The following ERCC8 variants were observed in gnomAD, a reference collection of about 807,000 sequenced individuals.
The protein encoded by ERCC8 is ERCC excision repair 8, CSA ubiquitin ligase complex subunit.
In ERCC8, 52 loss-of-function variants were observed where a neutral mutation model predicts 54.9. The ratio of observed to expected loss-of-function variants is 0.95; its 90% CI spans 0.76 to 1.19. The LOEUF (loss-of-function observed/expected upper bound fraction) is 1.19, where lower values mean the gene tolerates loss of function less well. Among genes scored for constraint, ERCC8 ranks in the 50% most tolerant of loss-of-function variants. The pLI is 0.00. For synonymous variants in ERCC8, 146 were observed against 157.2 expected (o/e 0.93, Z 0.53); for missense variants, 514 against 466.1 (o/e 1.10, Z -0.95).
chr5:60,911,438 G>A (rs190161593), intron 4 of ERCC8, among the ~76,000 whole-genome samples: 6 of 146,760 alleles, frequency 4.1e-5, no homozygotes, highest in African/African-American at 9.9e-5. Context: ...TTTTTGATGG[G>A]TTTTTTTTTT....
intron 4 of ERCC8, among the ~76,000 whole-genome samples, chr5:60,908,564 CAT>C (rs1554073813): frequency 3.5e-4 from 51 of 144,002 alleles, no homozygotes; most frequent in Middle Eastern, 3.7e-3. Flanking sequence ...CATATAAATA[CAT>C]ATATATATAT....
At chr5:60,932,312 A>T (rs1295241197) in intron 1 of ERCC8, among the ~76,000 whole-genome samples, 1 of 152,206 alleles carries the variant, frequency 6.6e-6, no homozygotes, top group Non-Finnish European at 1.5e-5. Flanking sequence ...TCTTGGTTAC[A>T]GTCTGGGATT....
chr5:60,874,838 A>C (rs1328619021), intron 11 of ERCC8, among the ~76,000 whole-genome samples, 155 bp from the exon 12 acceptor site: 1 of 152,238 alleles, frequency 6.6e-6, no homozygotes, highest in Non-Finnish European at 1.5e-5. Flanking sequence ...AAAAATAAGA[A>C]ACAACCCATA....
At position 60,920,428 on chromosome 5, in the gene ERCC8, T is replaced by TA. The variant is rs1749569144; in HGVS notation, c.275+1625dup. On this transcript the variant is annotated intron_variant, in intron 3 of 11. Coordinates refer to ENST00000676185, the MANE Select transcript of ERCC8 (RefSeq NM_000082.4). ...TAAATTTTAAAATAGGATATTTTAT[T>TA]ATGTTACTATATATGTTCTGTTATT... 5.3e-5 allele frequency among the ~76,000 whole-genome samples: 8 copies of TA among 152,090 alleles called. No individual in the cohort carries two copies. The South Asian group carries it at 1.7e-3, about 32-fold the overall frequency.
intron 3 of ERCC8, chr5:60,918,635 T>C: frequency 2.1e-6 from 1 of 482,906 alleles, no homozygotes; most frequent in Non-Finnish European, 3.8e-6. Flanking sequence ...TCTCTGTTTT[T>C]GTACTATATA....
chr5:60,911,248 T>G (rs1010668386), intron 4 of ERCC8, among the ~76,000 whole-genome samples: 3 of 151,934 alleles, frequency 2.0e-5, no homozygotes, highest in Non-Finnish European at 4.4e-5. Flanking sequence ...CCACATACTC[T>G]CCAGCATCTG....
At chr5:60,897,479 A>G (rs748421359) in intron 9 of ERCC8, among the ~76,000 whole-genome samples, 1 of 152,206 alleles carries the variant, frequency 6.6e-6, no homozygotes, top group Non-Finnish European at 1.5e-5. Flanking sequence ...AGTATCTGAC[A>G]TACAAGCTCT....
chr5:60,893,540 T>C (rs1748631231), intron 9 of ERCC8: 1 of 721,682 alleles, frequency 1.4e-6, no homozygotes, highest in Non-Finnish European at 2.5e-6. Context: ...CTTGGAAACT[T>C]TACCTGGCTT....
In ERCC8 at chr5:60,872,432, A is replaced by G. The variant is rs946067485; in HGVS notation, c.*2183T>C. Among the ~76,000 whole-genome samples the G allele has an allele frequency of 6.6e-6, 1 of 152,204 alleles. No homozygotes were observed. The highest frequency in any genetic ancestry group is 2.1e-4 in the South Asian group (1 of 4,834). On this transcript the variant is annotated 3_prime_UTR_variant, in exon 12 of 12. Coordinates refer to ENST00000676185, the MANE Select transcript of ERCC8 (RefSeq NM_000082.4). ...TAGGGGGTTAATATCCAAAATACAT[A>G]AGGAACTCAATAGCAGGAAAACAAC... is the stretch of plus-strand genomic sequence containing the variant.
intron 9 of ERCC8, 54 bp from the exon 10 acceptor site, chr5:60,891,140 C>T: frequency 3.3e-6 from 4 of 1,214,710 alleles, no homozygotes; most frequent in South Asian, 1.2e-5. Context: ...ATTTAAAACA[C>T]AACAAAGCCT....
chr5:60,931,796 T>C (rs1308612067), intron 1 of ERCC8, among the ~76,000 whole-genome samples: 4 of 152,196 alleles, frequency 2.6e-5, no homozygotes, highest in Non-Finnish European at 5.9e-5. Flanking sequence ...AAAAACAGTA[T>C]CATTCAAACA....
chr5:60,887,750 A>G (rs1748437983), intron 10 of ERCC8, among the ~76,000 whole-genome samples: 1 of 152,130 alleles, frequency 6.6e-6, no homozygotes, highest in African/African-American at 2.4e-5. Context: ...TGGTGTGAAA[A>G]TTTTACAAAC....
intron 4 of ERCC8, among the ~76,000 whole-genome samples, chr5:60,908,339 G>C (rs757361456): frequency 2.0e-5 from 3 of 151,742 alleles, no homozygotes; most frequent in Non-Finnish European, 2.9e-5. Context: ...TACATAGTGA[G>C]GCACAAATCT....
chr5:60,936,676 T>G (rs1202111319), intron 1 of ERCC8, among the ~76,000 whole-genome samples: 2 of 152,216 alleles, frequency 1.3e-5, no homozygotes, highest in Admixed American at 1.3e-4. Context: ...ACTTTCATCT[T>G]AGCACCACTT....
At chr5:60,904,725 A>G (rs1314632542) in intron 5 of ERCC8, 67 bp downstream of exon 5, 2 of 780,810 alleles carry the variant, frequency 2.6e-6, no homozygotes, top group Non-Finnish European at 4.3e-6. Context: ...CTACATCAAA[A>G]CTAACTACAT....
At chr5:60,934,348 AT>A (rs2112539920) in intron 1 of ERCC8, among the ~76,000 whole-genome samples, 1 of 152,272 alleles carries the variant, frequency 6.6e-6, no homozygotes, top group East Asian at 1.9e-4. Context: ...GATGTTGAGC[AT>A]TTTGTCATAT....
Position 60,870,482 on chromosome 5 carries a change from T to TAAAAAAAAAA in ERCC8, c.*4123_*4132dup, listed in dbSNP as rs57423118. 4.6e-3 allele frequency among the ~76,000 whole-genome samples: 223 copies of TAAAAAAAAAA among 48,776 alleles called. 6 individuals are homozygous for TAAAAAAAAAA. The highest frequency in any genetic ancestry group is 6.4e-3 in the Non-Finnish European group (188 of 29,328). 32.0% of individuals were successfully genotyped at this position (48,776 alleles called of 152,430 possible). A position where few individuals can be genotyped will look rare whatever the true frequency, so the allele number is the denominator to read the frequency against. ...CAACATGGTGAAACCCCACCTCTGC[T>TAAAAAAAAAA]AAAAAAAAAAAAAAAAAAAAAAAAA... On this transcript the variant is annotated 3_prime_UTR_variant, in exon 12 of 12. Coordinates refer to ENST00000676185, the MANE Select transcript of ERCC8 (RefSeq NM_000082.4).
rs773382523 is a variant in ERCC8 at position 60,899,639 on chromosome 5, C to A, written c.706G>T (p.Ala236Ser). 1.2e-6 allele frequency: 2 copies of A among 1,609,244 alleles called. No individual in the cohort carries two copies. Among genetic ancestry groups the A allele is most frequent in the East Asian group, 4.5e-5 (2 of 44,756 alleles). Residue 236 changes from alanine (A) to serine (S), a missense_variant, in exon 8 of 12, where the codon GCT becomes TCT. Ala to Ser is a moderately conservative substitution (Grantham distance 99). Transcript: ENST00000676185. ...CGTTCTTCCTTACCTGATTCAACAG[C>A]TTGTGACTTTTTCCCATTATGTTGA... ...LDQHNGKKSQ[A>S]VESANTAHNG...
chr5:60,943,281 T>A (rs1561521575), intron 1 of ERCC8, among the ~76,000 whole-genome samples: 1 of 151,930 alleles, frequency 6.6e-6, no homozygotes, highest in African/African-American at 2.4e-5. Flanking sequence ...AAAAAAAAAA[T>A]ATTTTTTTAA....
Sources: allele counts gnomAD v4.1 joint callset (sites outside exome capture counted in the v4.1 genomes callset), GRCh38; gene constraint gnomAD v4.1.1; transcripts MANE v1.5; gene names NCBI Gene and HGNC (gene_info 2026-07-23, HGNC 2026-07-21).